Variants in MROH2B observed in about 807,000 individuals in gnomAD.
MROH2B encodes maestro heat like repeat family member 2B, also known as maestro heat-like repeat-containing protein family member 2B.
MROH2B carries 177 observed loss-of-function variants against 208.6 expected under a neutral mutation model. The observed-to-expected ratio is 0.85, with a 90% confidence interval of 0.75 to 0.96. MROH2B has a LOEUF of 0.96. Among genes scored for constraint, MROH2B ranks in the 40% least tolerant of loss-of-function variants. The pLI, the probability that MROH2B is intolerant of heterozygous loss-of-function variation, is 0.00. For synonymous variants in MROH2B, 728 were observed against 659.0 expected, an observed-to-expected ratio of 1.10 and a Z score of -1.60; for missense variants, 2,002 against 1,878.7, an observed-to-expected ratio of 1.07 and a Z score of -1.21.
At chr5:41,028,096 G>A (rs66868443) in intron 24 of MROH2B, among the ~76,000 whole-genome samples, 28,543 of 152,118 alleles carry the variant, frequency 0.19, 3,022 homozygotes, top group South Asian at 0.33. Context: ...TAAATGTCGA[G>A]TTAATGGGTG....
In MROH2B at chr5:41,048,202, CATA is replaced by C. The variant is rs1300395923; in HGVS notation, c.1684+119_1684+121del. ...AAGAAAAAAATAGCTATCTACCTTG[CATA>C]TCAAGTTCATCATTTTTATTGCCTA... On this transcript the variant is annotated intron_variant, in intron 16 of 41. Transcript: ENST00000399564. 1,081 of 1,201,178 alleles carry C rather than the reference CATA, an allele frequency of 9.0e-4. 1 individual carries two copies. The highest frequency in any genetic ancestry group is 1.2e-3 in the Non-Finnish European group (1,031 of 887,050). 74.4% of individuals were successfully genotyped at this position (1,201,178 alleles called of 1,614,324 possible).
rs6864243 is a variant in MROH2B, at chr5:41,045,733, C to G, written c.1836+13G>C. On this transcript the variant is annotated intron_variant, in intron 18 of 41. Coordinates refer to ENST00000399564, the MANE Select transcript of MROH2B (RefSeq NM_173489.5). ...GGTAAAAGCTAAGGTTTCCCCTCAGCTGAAAAACCAACCTTCTCAGTGGAG... is the reference window on the plus strand; with the variant it reads ...GGTAAAAGCTAAGGTTTCCCCTCAGGTGAAAAACCAACCTTCTCAGTGGAG... The G allele has an allele frequency of 0.64, 1,034,412 of 1,607,624 alleles. 336,048 individuals are homozygous for G. Among genetic ancestry groups the G allele is most frequent in the Admixed American group, 0.67 (39,897 of 59,926 alleles).
Position 41,000,665 on chromosome 5 carries a change from G to A in MROH2B, c.4350+13C>T, listed in dbSNP as rs1427384136. On this transcript the variant is annotated intron_variant, in intron 38 of 41. Transcript: ENST00000399564. The stretch of plus-strand genomic sequence containing the variant: ...GAGAGCAGGAGGTGCAGGTGTCTGT[G>A]GAGAGCACTTACAACTCCAATCTTG... The A allele has an allele frequency of 6.2e-7, 1 of 1,605,090 alleles. No homozygotes were observed. Among genetic ancestry groups the A allele is most frequent in the Non-Finnish European group, 8.5e-7 (1 of 1,175,874 alleles).
In MROH2B at chr5:41,007,472, C is replaced by A; in HGVS notation, c.3609-18G>T. On this transcript the variant is annotated intron_variant, in intron 33 of 41. Coordinates refer to ENST00000399564, the MANE Select transcript of MROH2B (RefSeq NM_173489.5). ...TTGAAAGCCTAAAGGAGACAGTCAG[C>A]ATTACAAAACTAAGTTGACCCTTAT... 6.5e-7 allele frequency: 1 copy of A among 1,537,088 alleles called. No individual in the cohort carries two copies. Among genetic ancestry groups the A allele is most frequent in the South Asian group, 1.3e-5 (1 of 77,422 alleles).
chr5:41,012,560 G>T, intron 30 of MROH2B, 23 bp downstream of exon 30: 5 of 1,601,872 alleles, frequency 3.1e-6, no homozygotes, highest in Non-Finnish European at 4.3e-6. Context: ...CTGTTCAGTT[G>T]TTAAAACTGG....
intron 12 of MROH2B, 65 bp from the exon 13 acceptor site, chr5:41,051,155 T>G (rs1743273130): frequency 2.4e-5 from 25 of 1,049,870 alleles, no homozygotes; most frequent in Non-Finnish European, 3.1e-5. Context: ...CTGACTTTCC[T>G]TGGGTGTGTT....
At chr5:41,060,425 G>T (rs1010363975) in intron 6 of MROH2B, among the ~76,000 whole-genome samples, 3 of 152,068 alleles carry the variant, frequency 2.0e-5, no homozygotes, top group Non-Finnish European at 2.9e-5. Flanking sequence ...TTTTCATTAT[G>T]TGACTAAGGC....
In MROH2B at chr5:41,069,690, C is replaced by T. The variant is rs1170616923; in HGVS notation, c.90+1G>A. 20 of 1,600,194 alleles carry T rather than the reference C, an allele frequency of 1.2e-5. No individual in the cohort carries two copies. The highest frequency in any genetic ancestry group is 1.7e-5 in the Non-Finnish European group (20 of 1,171,882). On this transcript the variant is annotated splice_donor_variant, in intron 2 of 41. Coordinates refer to ENST00000399564, the MANE Select transcript of MROH2B (RefSeq NM_173489.5). LOFTEE classifies it high-confidence loss of function. ...AAAAGATTTTTCTCTGTTTTCCCTA[C>T]CTTGTTAACAATATCTTCCTTGTTC...
chr5:41,063,134 A>G (rs1304393177), intron 5 of MROH2B, among the ~76,000 whole-genome samples: 1 of 152,234 alleles, frequency 6.6e-6, no homozygotes, highest in African/African-American at 2.4e-5. Flanking sequence ...GAATTCCCTT[A>G]GTAATGTTCA....
chr5:41,047,629 C>A, intron 17 of MROH2B, 92 bp downstream of exon 17: 1 of 1,133,468 alleles, frequency 8.8e-7, no homozygotes, highest in Admixed American at 2.2e-5. Context: ...TGTTTATTAT[C>A]CTCAGGAATC....
rs371197953 is a variant in MROH2B, at chr5:41,064,570, A to G, written c.362T>C (p.Val121Ala). The change falls in exon 5 of 42, where the codon GTG becomes GCG. Residue 121 changes from valine (V) to alanine (A), a missense_variant and splice_region_variant. Transcript: ENST00000399564. ...CATCATGAAAGGAATACTCTGGGAC[A>G]CTGGAGGGAGAGGCAGAAAGGAGAC... ...LALAELATSY[V>A]SQSIPFMMMT... 74 of 1,608,918 alleles carry G rather than the reference A, an allele frequency of 4.6e-5. 1 individual carries two copies. The African/African-American group carries it at 9.4e-4, about 20-fold the overall frequency.
At chr5:41,000,624 AC>A in intron 38 of MROH2B, 53 bp downstream of exon 38, 2 of 1,550,684 alleles carry the variant, frequency 1.3e-6, no homozygotes, top group Non-Finnish European at 1.7e-6. Context: ...GCTTATTGGT[AC>A]TTCTCAGCCA....
intron 17 of MROH2B, among the ~76,000 whole-genome samples, chr5:41,047,519 T>A (rs1743158305): frequency 6.6e-6 from 1 of 152,140 alleles, no homozygotes; most frequent in South Asian, 2.1e-4. Flanking sequence ...CTGAATCAAG[T>A]GGATTTAAGA....
intron 1 of MROH2B, 98 bp from the exon 2 acceptor site, chr5:41,069,850 CCT>C (rs35526955): frequency 0.01 from 7,560 of 742,750 alleles, no homozygotes; most frequent in South Asian, 0.02. Flanking sequence ...ATTCATTTAT[CCT>C]CTCTCTCTCT....
At position 41,069,729 on chromosome 5, in the gene MROH2B, T is replaced by C; in HGVS notation, c.52A>G (p.Thr18Ala). Residue 18 changes from threonine to alanine, a missense_variant, in exon 2 of 42, where the codon ACT (threonine) becomes GCT (alanine). Transcript: ENST00000399564. ...SIEMFGDINL[T>A]LGMLNKEDIV... Reference sequence around the variant, plus strand: ...TCTTCCTTGTTCAGCATGCCAAGAGTGAGGTTAATATCCCCAAACATCTCT... The same window carrying C: ...TCTTCCTTGTTCAGCATGCCAAGAGCGAGGTTAATATCCCCAAACATCTCT... 2 of 1,607,394 alleles carry C rather than the reference T, an allele frequency of 1.2e-6. No homozygotes were observed. The highest frequency in any genetic ancestry group is 1.7e-6 in the Non-Finnish European group (2 of 1,176,176).
intron 2 of MROH2B, among the ~76,000 whole-genome samples, chr5:41,068,720 CT>C (rs11294746): frequency 0.36 from 54,986 of 151,960 alleles, 10,146 homozygotes; most frequent in African/African-American, 0.4. Context: ...AGGTTATTCT[CT>C]TAAGTGATTC....
intron 21 of MROH2B, among the ~76,000 whole-genome samples, chr5:41,036,529 A>G (rs993920712): frequency 7.9e-5 from 12 of 152,208 alleles, no homozygotes; most frequent in African/African-American, 2.9e-4. Flanking sequence ...ATTACTATGC[A>G]GCCATAAAAA....
intron 30 of MROH2B, among the ~76,000 whole-genome samples, chr5:41,011,133 A>G (rs1039293177): frequency 7.2e-5 from 11 of 152,196 alleles, no homozygotes; most frequent in Admixed American, 2.0e-4. Flanking sequence ...GCAGTAGGGA[A>G]CGATATCATA....
At chr5:41,007,701 C>T (rs561494539) in intron 33 of MROH2B, among the ~76,000 whole-genome samples, 1 of 152,162 alleles carries the variant, frequency 6.6e-6, no homozygotes, top group Non-Finnish European at 1.5e-5. Flanking sequence ...AAAAAATAGG[C>T]CATAAGAATA....
Sources: gnomAD v4.1 joint callset for allele counts (sites outside exome capture counted in the v4.1 genomes callset) on GRCh38, gnomAD v4.1.1 for gene constraint, MANE v1.5 for transcripts, NCBI Gene and HGNC (gene_info 2026-07-23, HGNC 2026-07-21) for gene names.